CACNA1C: variants seen among roughly 807,000 people sequenced by gnomAD.
CACNA1C encodes calcium voltage-gated channel subunit alpha1 C.
In CACNA1C, 30 loss-of-function variants were observed where a neutral mutation model predicts 229.0. The ratio of observed to expected loss-of-function variants is 0.13; its 90% CI spans 0.10 to 0.18. CACNA1C has a LOEUF of 0.18. Among genes scored for constraint, CACNA1C ranks in the 10% least tolerant of loss-of-function variants. The pLI, the probability that CACNA1C is intolerant of heterozygous loss-of-function variation, is 1.00. For synonymous variants in CACNA1C, 1,114 were observed against 1,132.5 expected (o/e 0.98, Z 0.33); for missense variants, 1,658 against 2,845.0 (o/e 0.58, Z 9.49).
intron 7 of CACNA1C, among the ~76,000 whole-genome samples, chr12:2,494,110 C>T (rs1439082570): frequency 1.3e-5 from 2 of 152,068 alleles, no homozygotes; most frequent in South Asian, 2.1e-4. Context: ...GTTTGTTGCA[C>T]CCATCCACCC....
At chr12:2,535,704 TAAAAAAAAAAAAAAAAAA>T (rs758857733) in intron 9 of CACNA1C, among the ~76,000 whole-genome samples, 1 of 36,534 alleles carries the variant, frequency 2.7e-5, no homozygotes, top group Non-Finnish European at 5.3e-5. Flanking sequence ...AGACCCTGTC[TAAAAAAAAAAAAAAAAAA>T]AAAAAAAAAA....
chr12:2,051,763 AG>A (rs2154500348), upstream of CACNA1C, among the ~76,000 whole-genome samples: 1 of 152,352 alleles, frequency 6.6e-6, no homozygotes, highest in African/African-American at 2.4e-5. Context: ...CTGTGTGAGG[AG>A]GAGCAGGCTT....
intron 3 of CACNA1C, among the ~76,000 whole-genome samples, chr12:2,432,238 A>G (rs2099092805): frequency 6.6e-6 from 1 of 152,190 alleles, no homozygotes; most frequent in Non-Finnish European, 1.5e-5. Context: ...AGGAGAGGCG[A>G]GTTAGCCCTT....
At chr12:2,619,115 G>A (rs2082081056) in intron 29 of CACNA1C, among the ~76,000 whole-genome samples, 1 of 152,176 alleles carries the variant, frequency 6.6e-6, no homozygotes, top group South Asian at 2.1e-4. Context: ...TGAGACCCAG[G>A]AAGCCTAGAT....
chr12:2,518,164 C>G (rs1262040651), intron 9 of CACNA1C, among the ~76,000 whole-genome samples: 1 of 152,208 alleles, frequency 6.6e-6, no homozygotes, highest in Non-Finnish European at 1.5e-5. Context: ...TCTAGGATCA[C>G]ATATTACTGA....
At chr12:2,674,394 T>G (rs1355771902) in intron 38 of CACNA1C, 147 bp from the exon 39 acceptor site, 2 of 1,161,414 alleles carry the variant, frequency 1.7e-6, no homozygotes, top group African/African-American at 3.1e-5. Flanking sequence ...ATGGGAAGAC[T>G]GGGGAGAAGT....
chr12:2,555,900 G>A (rs1201512186), intron 10 of CACNA1C, among the ~76,000 whole-genome samples: 2 of 151,754 alleles, frequency 1.3e-5, no homozygotes, highest in Non-Finnish European at 2.9e-5. Flanking sequence ...GGCCTGCGGC[G>A]GTTGCCTCCC....
chr12:2,460,170 G>A (rs2099490084), intron 5 of CACNA1C, among the ~76,000 whole-genome samples: 1 of 152,170 alleles, frequency 6.6e-6, no homozygotes, highest in Non-Finnish European at 1.5e-5. Flanking sequence ...CCTTGTGGTT[G>A]TCATGGCTGG....
At chr12:2,079,020 A>G (rs1035619609) in intron 1 of CACNA1C, among the ~76,000 whole-genome samples, 3 of 151,802 alleles carry the variant, frequency 2.0e-5, no homozygotes, top group Non-Finnish European at 4.4e-5. Flanking sequence ...TCAGCAAACT[A>G]TCACAAGGAC....
intron 31 of CACNA1C, among the ~76,000 whole-genome samples, chr12:2,648,987 C>T (rs1038287699): frequency 1.3e-5 from 2 of 152,134 alleles, no homozygotes; most frequent in East Asian, 3.9e-4. Context: ...TCCTAGCTTC[C>T]CTGTGCTTCA....
At chr12:2,109,299 G>A (rs2080656135) in intron 1 of CACNA1C, among the ~76,000 whole-genome samples, 1 of 152,194 alleles carries the variant, frequency 6.6e-6, no homozygotes, top group South Asian at 2.1e-4. Flanking sequence ...GAAGTGGGGA[G>A]AACACTGGCA....
chr12:2,396,505 G>GGGAATATGC (rs1555519091), intron 3 of CACNA1C, among the ~76,000 whole-genome samples: 1 of 151,910 alleles, frequency 6.6e-6, no homozygotes, highest in African/African-American at 2.4e-5. Context: ...CTCTGGCCTG[G>GGGAATATGC]GGAATGTGCT....
chr12:2,177,475 TTC>T (rs979291305), intron 3 of CACNA1C, among the ~76,000 whole-genome samples: 3 of 151,642 alleles, frequency 2.0e-5, no homozygotes, highest in Non-Finnish European at 2.9e-5. Context: ...CTTTCTTTCT[TTC>T]TCTTTCTTTT....
intron 3 of CACNA1C, among the ~76,000 whole-genome samples, chr12:2,316,441 A>G (rs1456104170): frequency 6.6e-6 from 1 of 152,162 alleles, no homozygotes; most frequent in Admixed American, 6.5e-5. Context: ...TTTGTCAGGT[A>G]TCTACTGTAT....
chr12:2,070,081 A>G (rs1319587772), intron 1 of CACNA1C, among the ~76,000 whole-genome samples: 1 of 152,182 alleles, frequency 6.6e-6, no homozygotes, highest in Non-Finnish European at 1.5e-5. Context: ...CTGGCATTAT[A>G]GGCTTGAGCC....
At chr12:2,582,361 A>G (rs1032638603) in intron 14 of CACNA1C, among the ~76,000 whole-genome samples, 4 of 152,232 alleles carry the variant, frequency 2.6e-5, no homozygotes, top group South Asian at 2.1e-4. Flanking sequence ...AGTGGCATCT[A>G]TTTAAGTTTA....
chr12:2,004,247 C>A (rs202018880), intron 1 of CACNA1C: 28 of 1,611,396 alleles, frequency 1.7e-5, no homozygotes, highest in Non-Finnish European at 2.2e-5. Flanking sequence ...CCACCCCAAC[C>A]CTGGGCTGCA....
chr12:2,156,522 A>G (rs1383056060), intron 3 of CACNA1C, among the ~76,000 whole-genome samples: 3 of 152,204 alleles, frequency 2.0e-5, no homozygotes, highest in African/African-American at 2.4e-5. Flanking sequence ...TTGATGACAT[A>G]TTTGGCTTTG....
Position 2,488,443 on chromosome 12 carries a change from C to T in CACNA1C, c.916+2181C>T, listed in dbSNP as rs749529452. Among the ~76,000 whole-genome samples the T allele has an allele frequency of 4.6e-5, 7 of 152,326 alleles. 2 individuals are homozygous for T. On this transcript the variant is annotated intron_variant, in intron 6 of 46. Coordinates refer to ENST00000399655, the MANE Select transcript of CACNA1C (RefSeq NM_000719.7). The surrounding 1 kb of genome is among the most constrained non-coding windows in gnomAD (Gnocchi z 4.0). ...TCGCCCCAACGCCCCAAGTACCGAACCTGTCATGGCCTCCTCTTCTCTTAG... is the reference window on the plus strand; with the variant it reads ...TCGCCCCAACGCCCCAAGTACCGAATCTGTCATGGCCTCCTCTTCTCTTAG...
Sources: allele counts gnomAD v4.1 joint callset (sites outside exome capture counted in the v4.1 genomes callset), GRCh38; gene constraint gnomAD v4.1.1; non-coding constraint Gnocchi (gnomAD v3.1); transcripts MANE v1.5; gene names NCBI Gene and HGNC (gene_info 2026-07-23, HGNC 2026-07-21).